STRA8: variants seen among roughly 807,000 people sequenced by gnomAD.
STRA8 encodes the protein stimulated by retinoic acid gene 8 protein homolog.
In STRA8, 18 loss-of-function variants were observed where a neutral mutation model predicts 37.1. The ratio of observed to expected loss-of-function variants is 0.48; its 90% CI spans 0.34 to 0.72. The LOEUF is 0.72. STRA8 is among the 30% of genes least tolerant of loss of function. The probability of loss-of-function intolerance (pLI) is 0.01; values close to 1 mark genes in which losing one functional copy is unlikely to be tolerated. For synonymous variants in STRA8, 168 were observed against 162.9 expected, an observed-to-expected ratio of 1.03 and a Z score of -0.24; for missense variants, 357 against 410.4, an observed-to-expected ratio of 0.87 and a Z score of 1.13.
Position 135,246,224 on chromosome 7 carries a change from A to C in STRA8, c.594-193A>C. On this transcript the variant is annotated intron_variant, in intron 5 of 8. Transcript: ENST00000662584. The surrounding 1 kb of genome is among the most constrained non-coding windows in gnomAD (Gnocchi z 5.4). ...GGGAGGGGCCCCAAAGCCCAAGTCT[A>C]TGTCCTTCATGGCCCCCAGGAAGGC... 1 of 728,052 alleles carries C rather than the reference A, an allele frequency of 1.4e-6. No homozygotes were observed. The highest frequency in any genetic ancestry group is 2.2e-6 in the Non-Finnish European group (1 of 448,596). 45.1% of individuals were successfully genotyped at this position (728,052 alleles called of 1,614,324 possible).
intron 1 of STRA8, among the ~76,000 whole-genome samples, chr7:135,239,164 A>G (rs1443020106): frequency 6.6e-6 from 1 of 152,212 alleles, no homozygotes; most frequent in African/African-American, 2.4e-5. Flanking sequence ...ATAGTGGGAA[A>G]GGTGTCTTCC....
chr7:135,250,255 G>C (rs915188083), intron 6 of STRA8, among the ~76,000 whole-genome samples: 1 of 152,196 alleles, frequency 6.6e-6, no homozygotes, highest in Non-Finnish European at 1.5e-5. Flanking sequence ...AGGCTGGCTT[G>C]TGAGGGGGAT....
At chr7:135,257,970 T>G (rs1832725043) in intron 8 of STRA8, among the ~76,000 whole-genome samples, 1 of 152,266 alleles carries the variant, frequency 6.6e-6, no homozygotes, top group African/African-American at 2.4e-5. Flanking sequence ...CGGTACACAT[T>G]GCTTTGCACT....
intron 2 of STRA8, among the ~76,000 whole-genome samples, chr7:135,241,784 G>A (rs759892201): frequency 6.6e-6 from 1 of 152,086 alleles, no homozygotes; most frequent in Non-Finnish European, 1.5e-5. Context: ...CCTGTCAGAG[G>A]TCAGCACCCT....
At chr7:135,244,271 C>T (rs1832512749) in intron 4 of STRA8, among the ~76,000 whole-genome samples, 2 of 152,214 alleles carry the variant, frequency 1.3e-5, no homozygotes, top group Non-Finnish European at 2.9e-5. Flanking sequence ...GTTGCCCAAG[C>T]TGGTCTCAAA....
chr7:135,246,430 TACAA>T lies in STRA8; in HGVS notation c.611_614del (p.Lys204ArgfsTer6), dbSNP rs763215346. On this transcript the variant is annotated frameshift_variant, in exon 6 of 9. Transcript: ENST00000662584. LOFTEE classifies it high-confidence loss of function. The surrounding 1 kb of genome is among the most constrained non-coding windows in gnomAD (Gnocchi z 5.4). ...CTTCTGTTCCAGGTATCTCAACTTTTACAAACAGACGATGGACCTTCTGACTGGC... is the reference window on the plus strand; with the variant it reads ...CTTCTGTTCCAGGTATCTCAACTTTTACAGACGATGGACCTTCTGACTGGC... The T allele has an allele frequency of 3.7e-6, 6 of 1,603,468 alleles. No homozygotes were observed. The highest frequency in any genetic ancestry group is 4.3e-6 in the Non-Finnish European group (5 of 1,174,478).
intron 8 of STRA8, among the ~76,000 whole-genome samples, chr7:135,256,476 A>G (rs1212104553): frequency 6.6e-6 from 1 of 152,222 alleles, no homozygotes; most frequent in Non-Finnish European, 1.5e-5. Flanking sequence ...TATATGGCAG[A>G]AAAGATAACA....
chr7:135,250,746 A>T (rs1003691893), intron 6 of STRA8, among the ~76,000 whole-genome samples: 1 of 152,238 alleles, frequency 6.6e-6, no homozygotes, highest in Non-Finnish European at 1.5e-5. Flanking sequence ...TTCAATTTTT[A>T]ATACAAAAAC....
chr7:135,250,224 C>G (rs1832617952), intron 6 of STRA8, among the ~76,000 whole-genome samples: 1 of 152,154 alleles, frequency 6.6e-6, no homozygotes, highest in Non-Finnish European at 1.5e-5. Flanking sequence ...GGCTGTGGAG[C>G]CTGGTCTGGG....
In STRA8 at chr7:135,246,051, T is replaced by G; in HGVS notation, c.594-366T>G. ...CCGAGCCTGACTTTCGGGCTGCAGGTTAAAGTTGGAGTCCTATCATGCCAG... is the reference window on the plus strand; with the variant it reads ...CCGAGCCTGACTTTCGGGCTGCAGGGTAAAGTTGGAGTCCTATCATGCCAG... On this transcript the variant is annotated intron_variant, in intron 5 of 8. Coordinates refer to ENST00000662584, the MANE Select transcript of STRA8 (RefSeq NM_001394401.1). The surrounding 1 kb of genome is among the most constrained non-coding windows in gnomAD (Gnocchi z 5.4). The G allele has an allele frequency of 7.3e-6, 2 of 273,748 alleles. No homozygotes were observed. The highest frequency in any genetic ancestry group is 1.4e-5 in the Non-Finnish European group (2 of 143,044). The allele number at this position is 273,748 out of a possible 1,614,324, so 17.0% of individuals were successfully genotyped here.
chr7:135,232,406 A>T (rs1647900), upstream of STRA8, among the ~76,000 whole-genome samples: 144,761 of 151,676 alleles, frequency 0.95, 69,410 homozygotes, highest in East Asian at 1. Flanking sequence ...ACAGCCAGAA[A>T]TGGGGCAGCG....
rs552122953 is a variant in STRA8 at position 135,249,956 on chromosome 7, C to A, written c.880-1840C>A. On this transcript the variant is annotated intron_variant, in intron 6 of 8. Transcript: ENST00000662584. ...GCAGGGCTCTGCCTGCACTGCTGTGCCCAGGTTTAGGCCAGGCCAGGGCTG... is the reference window on the plus strand; with the variant it reads ...GCAGGGCTCTGCCTGCACTGCTGTGACCAGGTTTAGGCCAGGCCAGGGCTG... Among the ~76,000 whole-genome samples the A allele has an allele frequency of 1.2e-4, 19 of 152,330 alleles. No individual in the cohort carries two copies. In the South Asian group the frequency reaches 3.7e-3, roughly 30 times the overall value.
At chr7:135,244,531 T>TGAC (rs1453826614) in intron 4 of STRA8, among the ~76,000 whole-genome samples, 13 of 152,242 alleles carry the variant, frequency 8.5e-5, no homozygotes, top group African/African-American at 2.7e-4. Flanking sequence ...TATCCTGTTT[T>TGAC]TAATAGATTG....
chr7:135,247,698 G>T (rs1489099433), intron 6 of STRA8, among the ~76,000 whole-genome samples: 1 of 152,240 alleles, frequency 6.6e-6, no homozygotes, highest in African/African-American at 2.4e-5. Context: ...CACTGGGATC[G>T]CTCTGTGAAG....
intron 1 of STRA8, among the ~76,000 whole-genome samples, chr7:135,238,307 G>A (rs1257067745): frequency 6.6e-6 from 1 of 152,180 alleles, no homozygotes; most frequent in Non-Finnish European, 1.5e-5. Context: ...CTCTGGGGCT[G>A]TCCCCGCCCC....
chr7:135,240,830 G>T, intron 2 of STRA8, 114 bp downstream of exon 2: 1 of 1,186,140 alleles, frequency 8.4e-7, no homozygotes, highest in Non-Finnish European at 1.2e-6. Flanking sequence ...ACTTCTGCTG[G>T]GGTAGCGACA....
intron 1 of STRA8, among the ~76,000 whole-genome samples, chr7:135,238,506 C>T (rs1042926242): frequency 1.3e-5 from 2 of 152,172 alleles, no homozygotes; most frequent in Non-Finnish European, 2.9e-5. Flanking sequence ...CTCCAGATTC[C>T]CTACAAGCCC....
At chr7:135,235,314 A>G (rs1422992807) in intron 1 of STRA8, among the ~76,000 whole-genome samples, 1 of 152,194 alleles carries the variant, frequency 6.6e-6, no homozygotes, top group African/African-American at 2.4e-5. Context: ...TCATAAACAT[A>G]AGGAAGTCTC....
intron 1 of STRA8, among the ~76,000 whole-genome samples, chr7:135,238,291 A>C (rs1477874428): frequency 6.6e-6 from 1 of 152,156 alleles, no homozygotes; most frequent in Non-Finnish European, 1.5e-5. Flanking sequence ...CAGCTTGGCC[A>C]GCATGCTCTG....
Sources: allele counts gnomAD v4.1 joint callset (sites outside exome capture counted in the v4.1 genomes callset), GRCh38; gene constraint gnomAD v4.1.1; non-coding constraint Gnocchi (gnomAD v3.1); transcripts MANE v1.5; gene names NCBI Gene and HGNC (gene_info 2026-07-23, HGNC 2026-07-21).